Variants in AP3B1 observed in about 807,000 individuals in gnomAD.
The protein encoded by AP3B1 is AP-3 complex subunit beta-1.
In AP3B1, 61 loss-of-function variants were observed where a neutral mutation model predicts 132.5. That is an observed-to-expected ratio of 0.46 (90% CI 0.37 to 0.57). AP3B1 has a LOEUF of 0.57. Ranked by LOEUF, AP3B1 falls within the 20% of genes least tolerant of loss-of-function variation. The pLI, the probability that AP3B1 is intolerant of heterozygous loss-of-function variation, is 0.00. For missense variants in AP3B1, 1,120 were observed against 1,289.4 expected, an observed-to-expected ratio of 0.87 and a Z score of 2.01; for synonymous variants, 388 against 438.3, an observed-to-expected ratio of 0.89 and a Z score of 1.43.
intron 23 of AP3B1, among the ~76,000 whole-genome samples, chr5:78,037,418 TTAAA>T (rs1000285375): frequency 1.3e-5 from 2 of 152,214 alleles, no homozygotes; most frequent in Non-Finnish European, 2.9e-5. Flanking sequence ...TTTGTGTTCT[TTAAA>T]TAGTGTCTTA....
chr5:78,154,362 C>G (rs910106448), intron 14 of AP3B1, among the ~76,000 whole-genome samples: 1 of 152,056 alleles, frequency 6.6e-6, no homozygotes, highest in South Asian at 2.1e-4. Flanking sequence ...TTTCTCTTGC[C>G]GCTTTTAGGA....
At chr5:78,255,055 T>C (rs534166604) in intron 2 of AP3B1, among the ~76,000 whole-genome samples, 1 of 152,148 alleles carries the variant, frequency 6.6e-6, no homozygotes, top group South Asian at 2.1e-4. Context: ...TAAGATAGTA[T>C]TTGCAAGCCT....
intron 14 of AP3B1, among the ~76,000 whole-genome samples, chr5:78,151,268 T>C (rs1753638382): frequency 6.6e-6 from 1 of 152,186 alleles, no homozygotes; most frequent in East Asian, 1.9e-4. Flanking sequence ...AGGAATGCTC[T>C]TATACCCCAA....
At chr5:78,012,816 G>T (rs116173289) in intron 26 of AP3B1, among the ~76,000 whole-genome samples, 1,724 of 152,322 alleles carry the variant, frequency 0.011, 30 homozygotes, top group African/African-American at 0.039. Flanking sequence ...ATGGTTCTTA[G>T]TTGTGTGTCT....
At chr5:78,082,691 A>C (rs1750067910) in intron 22 of AP3B1, among the ~76,000 whole-genome samples, 1 of 152,236 alleles carries the variant, frequency 6.6e-6, no homozygotes, top group African/African-American at 2.4e-5. Context: ...ATGAGTTCTT[A>C]GCATTTTAAG....
rs762028858 is a variant in AP3B1 at position 78,228,139 on chromosome 5, T to C, written c.375+5A>G. ...AGCTATTTGCCTACTCACTCCATTA[T>C]TTACCTTCAGAGCTCGCTGAAAAGT... On this transcript the variant is annotated splice_donor_5th_base_variant and intron_variant, in intron 4 of 26. Transcript: ENST00000255194. 6 of 1,594,102 alleles carry C rather than the reference T, an allele frequency of 3.8e-6. No individual in the cohort carries two copies. The East Asian group carries it at 9.0e-5, about 24-fold the overall frequency.
intron 15 of AP3B1, among the ~76,000 whole-genome samples, chr5:78,134,149 C>CAAAAAAAAAAAAAAAAAAAAAA (rs397961933): frequency 3.0e-4 from 22 of 74,182 alleles, no homozygotes; most frequent in African/African-American, 9.3e-4. Flanking sequence ...AGACTCGCCT[C>CAAAAAAAAAAAAAAAAAAAAAA]AAAAAAAAAA....
intron 17 of AP3B1, among the ~76,000 whole-genome samples, chr5:78,117,325 T>C (rs1751896668): frequency 1.3e-5 from 2 of 151,920 alleles, no homozygotes; most frequent in South Asian, 2.1e-4. Context: ...TTTTTTTTTT[T>C]TTGAGACGGA....
Position 78,184,510 on chromosome 5 carries a change from C to T in AP3B1, c.787-2848G>A, listed in dbSNP as rs148615110. Among the ~76,000 whole-genome samples, 1,093 of 151,812 alleles carry T rather than the reference C, an allele frequency of 7.2e-3. 9 individuals are homozygous for T. The highest frequency in any genetic ancestry group is 0.025 in the African/African-American group (1,044 of 41,364). On this transcript the variant is annotated intron_variant, in intron 7 of 26. Transcript: ENST00000255194. Reference sequence around the variant, plus strand: ...GACCATCCTGGCTAACACGGTGAAACCCCGCCTCTACTAAAAAAATACAAA... The same window carrying T: ...GACCATCCTGGCTAACACGGTGAAATCCCGCCTCTACTAAAAAAATACAAA...
intron 15 of AP3B1, among the ~76,000 whole-genome samples, chr5:78,129,860 C>T (rs1752618755): frequency 6.6e-6 from 1 of 152,122 alleles, no homozygotes; most frequent in Non-Finnish European, 1.5e-5. Flanking sequence ...AACTGGATTA[C>T]TGCAAATTAT....
At chr5:78,059,092 T>G (rs1002485332) in intron 22 of AP3B1, among the ~76,000 whole-genome samples, 3 of 152,252 alleles carry the variant, frequency 2.0e-5, no homozygotes, top group African/African-American at 7.2e-5. Flanking sequence ...TTGGAGGTCA[T>G]TCTGGATTTT....
chr5:78,258,101 CAA>C (rs561775216), intron 2 of AP3B1, among the ~76,000 whole-genome samples: 54 of 152,270 alleles, frequency 3.5e-4, no homozygotes, highest in African/African-American at 1.3e-3. Flanking sequence ...TTGGTCTGGG[CAA>C]AGATTTCTTG....
intron 12 of AP3B1, among the ~76,000 whole-genome samples, chr5:78,163,645 A>AC (rs1561450129): frequency 1.3e-5 from 2 of 148,366 alleles, no homozygotes; most frequent in Admixed American, 6.7e-5. Flanking sequence ...GTATACATAT[A>AC]TATATATACA....
intron 11 of AP3B1, among the ~76,000 whole-genome samples, chr5:78,173,088 C>A (rs1743992149): frequency 6.6e-6 from 1 of 152,194 alleles, no homozygotes; most frequent in South Asian, 2.1e-4. Flanking sequence ...AGTTTCTTAG[C>A]CTGAGTTCTA....
rs1751513671 is a variant in AP3B1 at position 78,110,213 on chromosome 5, G to A, written c.2391C>T (p.Val797=). The A allele has an allele frequency of 1.2e-6, 2 of 1,603,240 alleles. No individual in the cohort carries two copies. The highest frequency in any genetic ancestry group is 1.7e-6 in the Non-Finnish European group (2 of 1,173,592). Residue 797 remains valine (V), a synonymous_variant, in exon 20 of 27, where the codon GTC becomes GTT. Transcript: ENST00000255194. ...EPESESESRR[V]TKEKEKKTKQ... The stretch of plus-strand genomic sequence containing the variant: ...CAAATGTATAATCTCTTACCTTAGT[G>A]ACTCTTCTGGATTCAGATTCACTTT...
intron 6 of AP3B1, among the ~76,000 whole-genome samples, chr5:78,221,752 T>C (rs1746185819): frequency 6.6e-6 from 1 of 151,664 alleles, no homozygotes; most frequent in African/African-American, 2.4e-5. Flanking sequence ...AATAACAGAA[T>C]TAATATTTAA....
At chr5:78,169,790 G>A (rs1310407940) in intron 11 of AP3B1, among the ~76,000 whole-genome samples, 1 of 151,502 alleles carries the variant, frequency 6.6e-6, no homozygotes, top group Non-Finnish European at 1.5e-5. Flanking sequence ...AAGTTTTAGG[G>A]TATATGTGCA....
At chr5:78,255,993 G>C (rs1267808368) in intron 2 of AP3B1, among the ~76,000 whole-genome samples, 1 of 151,890 alleles carries the variant, frequency 6.6e-6, no homozygotes, top group Non-Finnish European at 1.5e-5. Context: ...AATGACCAGT[G>C]GGTCAATGAA....
chr5:78,128,682 GA>G (rs1347933670), intron 16 of AP3B1, among the ~76,000 whole-genome samples: 1 of 151,912 alleles, frequency 6.6e-6, no homozygotes, highest in Non-Finnish European at 1.5e-5. Flanking sequence ...TTCCCTCTTT[GA>G]AAAACCAGTT....
Sources: gnomAD v4.1 joint callset for allele counts (sites outside exome capture counted in the v4.1 genomes callset) on GRCh38, gnomAD v4.1.1 for gene constraint, MANE v1.5 for transcripts, NCBI Gene and HGNC (gene_info 2026-07-23, HGNC 2026-07-21) for gene names.